ARL15: variants seen among roughly 807,000 people sequenced by gnomAD.
ARL15 encodes ARF like GTPase 15.
Under a neutral mutation model 25.2 loss-of-function variants are expected in ARL15, and 19 were observed. The ratio of observed to expected loss-of-function variants is 0.75; its 90% CI spans 0.53 to 1.10. ARL15 has a LOEUF of 1.10. Among genes scored for constraint, ARL15 ranks in the 50% least tolerant of loss-of-function variants. ARL15 has a pLI of 0.00. For synonymous variants in ARL15, 94 were observed against 86.8 expected, an observed-to-expected ratio of 1.08 and a Z score of -0.46; for missense variants, 220 against 246.0, an observed-to-expected ratio of 0.89 and a Z score of 0.71.
intron 4 of ARL15, among the ~76,000 whole-genome samples, chr5:53,951,269 A>T (rs1746943541): frequency 6.6e-6 from 1 of 152,200 alleles, no homozygotes; most frequent in African/African-American, 2.4e-5. Flanking sequence ...TTTGCAGACC[A>T]TGAGCTTGAT....
chr5:54,249,777 C>T (rs1376181393), intron 1 of ARL15, among the ~76,000 whole-genome samples: 1 of 151,824 alleles, frequency 6.6e-6, no homozygotes, highest in Non-Finnish European at 1.5e-5. Flanking sequence ...GACAGAGGAG[C>T]CAGGAGAGCT....
At chr5:54,261,061 G>A (rs1424262683) in intron 1 of ARL15, among the ~76,000 whole-genome samples, 1 of 152,172 alleles carries the variant, frequency 6.6e-6, no homozygotes, top group African/African-American at 2.4e-5. Context: ...TCATTTGTGA[G>A]GAATGAGGGG....
At chr5:54,202,355 A>T (rs1755748816) in intron 1 of ARL15, among the ~76,000 whole-genome samples, 1 of 152,210 alleles carries the variant, frequency 6.6e-6, no homozygotes, top group African/African-American at 2.4e-5. Context: ...AGGTAGGCTC[A>T]ATGTAATCAC....
At chr5:54,114,248 A>G (rs1752825325) in intron 3 of ARL15, among the ~76,000 whole-genome samples, 1 of 151,730 alleles carries the variant, frequency 6.6e-6, no homozygotes, top group Admixed American at 6.6e-5. Context: ...AAATACAAAA[A>G]TTAGCCGGGC....
At chr5:54,126,698 T>C (rs2112262260) in intron 3 of ARL15, among the ~76,000 whole-genome samples, 1 of 152,326 alleles carries the variant, frequency 6.6e-6, no homozygotes, top group Admixed American at 6.5e-5. Context: ...GTCAGTTCAA[T>C]CTCTTACTCT....
At chr5:54,053,394 G>A (rs763648317) in intron 4 of ARL15, among the ~76,000 whole-genome samples, 1 of 152,140 alleles carries the variant, frequency 6.6e-6, no homozygotes, top group Non-Finnish European at 1.5e-5. Context: ...CAAATAATTT[G>A]TGTAGGTATT....
intron 3 of ARL15, among the ~76,000 whole-genome samples, chr5:54,138,996 T>C (rs1176470239): frequency 2.0e-5 from 3 of 152,130 alleles, no homozygotes; most frequent in Admixed American, 2.0e-4. Context: ...ATGGCCATTA[T>C]TAAAAAGTCA....
At chr5:54,284,595 G>A (rs35929) in intron 1 of ARL15, among the ~76,000 whole-genome samples, 37,918 of 152,050 alleles carry the variant, frequency 0.25, 5,542 homozygotes, top group African/African-American at 0.41. Context: ...TTACTCTTTA[G>A]TTACTAAAAA....
intron 4 of ARL15, among the ~76,000 whole-genome samples, chr5:53,993,550 A>G (rs1192246670): frequency 6.6e-6 from 1 of 152,172 alleles, no homozygotes; most frequent in Non-Finnish European, 1.5e-5. Context: ...TACATTGCCT[A>G]TTTCAACTTT....
chr5:54,234,361 C>T (rs1418688958), intron 1 of ARL15, among the ~76,000 whole-genome samples: 1 of 151,836 alleles, frequency 6.6e-6, no homozygotes, highest in African/African-American at 2.4e-5. Context: ...CATTAAATAT[C>T]AATACCCACA....
In ARL15 at chr5:54,310,558, T is replaced by A. The variant is rs1197507523; in HGVS notation, c.-79A>T. ...TCTCTGGCTGCGAGCGAGCAGCTCC[T>A]GAAAAAGCCAGCAACAGCGAAAATA... On this transcript the variant is annotated 5_prime_UTR_variant, in exon 1 of 5. Transcript: ENST00000504924. The A allele has an allele frequency of 8.7e-6, 13 of 1,489,666 alleles. No individual in the cohort carries two copies. The highest frequency in any genetic ancestry group is 1.2e-5 in the Non-Finnish European group (13 of 1,099,232). 92.3% of individuals were successfully genotyped at this position (1,489,666 alleles called of 1,614,324 possible). A position where few individuals can be genotyped will look rare whatever the true frequency, so the allele number is the denominator to read the frequency against.
At chr5:54,164,451 T>C (rs1754509002) in intron 2 of ARL15, among the ~76,000 whole-genome samples, 1 of 152,060 alleles carries the variant, frequency 6.6e-6, no homozygotes, top group African/African-American at 2.4e-5. Context: ...TATAAAGTAT[T>C]GAGAGAAACT....
chr5:54,109,904 G>A (rs1253787898), intron 4 of ARL15, among the ~76,000 whole-genome samples: 1 of 151,884 alleles, frequency 6.6e-6, no homozygotes, highest in Non-Finnish European at 1.5e-5. Context: ...TATGTAAAGG[G>A]TGTTCTTTTT....
chr5:54,065,571 C>T (rs1484320672), intron 4 of ARL15, among the ~76,000 whole-genome samples: 1 of 152,172 alleles, frequency 6.6e-6, no homozygotes, highest in African/African-American at 2.4e-5. Flanking sequence ...GAGGCTGAGG[C>T]AGGAGAATCA....
At chr5:53,977,227 G>C (rs1199388707) in intron 4 of ARL15, among the ~76,000 whole-genome samples, 1 of 151,908 alleles carries the variant, frequency 6.6e-6, no homozygotes, top group African/African-American at 2.4e-5. Flanking sequence ...CGTGGTGGCG[G>C]GCGCCTGTAG....
chr5:54,221,825 G>GCACACACACA (rs3035310), intron 1 of ARL15, among the ~76,000 whole-genome samples: 69 of 142,120 alleles, frequency 4.9e-4, no homozygotes, highest in Admixed American at 1.4e-3. Context: ...CAAGAAACAT[G>GCACACACACA]CACACACACA....
At chr5:54,174,568 A>G (rs1267544595) in intron 1 of ARL15, among the ~76,000 whole-genome samples, 1 of 152,098 alleles carries the variant, frequency 6.6e-6, no homozygotes, top group East Asian at 1.9e-4. Flanking sequence ...TACTTATTTC[A>G]GTCTGTCTTC....
At position 54,246,797 on chromosome 5, in the gene ARL15, T is replaced by TACACACACACACAC. The variant is rs61025147; in HGVS notation, c.48+63621_48+63634dup. Among the ~76,000 whole-genome samples the TACACACACACACAC allele has an allele frequency of 8.6e-5, 12 of 139,062 alleles. No homozygotes were observed. In the South Asian group the frequency reaches 2.0e-3, roughly 23 times the overall value. 91.2% of individuals were successfully genotyped at this position (139,062 alleles called of 152,430 possible). A position where few individuals can be genotyped will look rare whatever the true frequency, so the allele number is the denominator to read the frequency against. ...CCTCTTTTTATATACAAAGCATGCA[T>TACACACACACACAC]ACACACACACACACACACACACACA... On this transcript the variant is annotated intron_variant, in intron 1 of 4. Transcript: ENST00000504924.
intron 1 of ARL15, among the ~76,000 whole-genome samples, chr5:54,262,583 TTTG>T (rs1304359578): frequency 6.6e-6 from 1 of 152,182 alleles, no homozygotes; most frequent in African/African-American, 2.4e-5. Context: ...GGTTGCTAGT[TTTG>T]TTATTTCTTC....
Sources: allele counts gnomAD v4.1 joint callset (sites outside exome capture counted in the v4.1 genomes callset), GRCh38; gene constraint gnomAD v4.1.1; transcripts MANE v1.5; gene names NCBI Gene and HGNC (gene_info 2026-07-23, HGNC 2026-07-21).